The following ABCA9 variants were observed in gnomAD, a reference collection of about 807,000 sequenced individuals.
ABCA9 encodes the protein ATP-binding cassette sub-family A member 9.
A neutral mutation model predicts 205.3 loss-of-function variants in ABCA9; 183 were observed. The ratio of observed to expected loss-of-function variants is 0.89; its 90% CI spans 0.79 to 1.01. ABCA9 has a LOEUF of 1.01. Among genes scored for constraint, ABCA9 ranks in the 50% least tolerant of loss-of-function variants. The pLI, the probability that ABCA9 is intolerant of heterozygous loss-of-function variation, is 0.00. For synonymous variants in ABCA9, 651 were observed against 683.3 expected, an observed-to-expected ratio of 0.95 and a Z score of 0.74; for missense variants, 1,805 against 1,912.4, an observed-to-expected ratio of 0.94 and a Z score of 1.05.
intron 24 of ABCA9, 76 bp from the exon 25 acceptor site, chr17:69,007,948 C>T: frequency 9.8e-6 from 14 of 1,428,052 alleles, no homozygotes; most frequent in Non-Finnish European, 1.4e-5. Flanking sequence ...TTCAATTTTC[C>T]AAAACTATGC....
At chr17:69,015,265 A>G (rs1329273447) in intron 22 of ABCA9, among the ~76,000 whole-genome samples, 1 of 152,198 alleles carries the variant, frequency 6.6e-6, no homozygotes, top group Non-Finnish European at 1.5e-5. Flanking sequence ...TTTAAATTGA[A>G]TAGAAAATTG....
chr17:69,044,588 G>A lies in ABCA9; in HGVS notation c.482C>T (p.Ala161Val). The change falls in exon 5 of 39, where the codon GCA becomes GTA. Residue 161 changes from alanine to valine, a missense_variant. Transcript: ENST00000340001. ...TTCACACTTCATTTTTTCATTCACTGCTTGACAGTGAGCTTTAGAAGAAGA... is the reference window on the plus strand; with the variant it reads ...TTCACACTTCATTTTTTCATTCACTACTTGACAGTGAGCTTTAGAAGAAGA... ...EHRDHSAHCQAVNEKMKCEGS... is the reference protein window; with the variant it reads ...EHRDHSAHCQVVNEKMKCEGS... 1 of 1,612,596 alleles carries A rather than the reference G, an allele frequency of 6.2e-7. No individual in the cohort carries two copies. The highest frequency in any genetic ancestry group is 8.5e-7 in the Non-Finnish European group (1 of 1,179,252).
chr17:69,041,032 C>T (rs1270385749), intron 6 of ABCA9, among the ~76,000 whole-genome samples: 2 of 152,134 alleles, frequency 1.3e-5, no homozygotes, highest in Non-Finnish European at 2.9e-5. Flanking sequence ...CTTCAAACTT[C>T]AGTTTTTTCT....
chr17:69,016,474 G>T (rs549273571), intron 21 of ABCA9, 84 bp from the exon 22 acceptor site: 2 of 1,254,078 alleles, frequency 1.6e-6, no homozygotes, highest in East Asian at 2.7e-5. Flanking sequence ...AATCATTCAA[G>T]TTACTGATAA....
At chr17:69,037,863 C>A (rs1428417119) in intron 6 of ABCA9, among the ~76,000 whole-genome samples, 1 of 151,802 alleles carries the variant, frequency 6.6e-6, no homozygotes, top group African/African-American at 2.4e-5. Context: ...CAAATAGATA[C>A]AACAAAAAAT....
At chr17:68,981,210 T>G (rs149297515) in intron 37 of ABCA9, among the ~76,000 whole-genome samples, 1 of 152,132 alleles carries the variant, frequency 6.6e-6, no homozygotes, top group Non-Finnish European at 1.5e-5. Flanking sequence ...AATTCAGATT[T>G]ATTGACTGTA....
intron 5 of ABCA9, 63 bp from the exon 6 acceptor site, chr17:69,043,778 C>A (rs2144458259): frequency 1.5e-6 from 2 of 1,340,504 alleles, no homozygotes; most frequent in Non-Finnish European, 2.1e-6. Flanking sequence ...TAGGCTTTTT[C>A]TCTAAATTAT....
At chr17:68,985,439 T>C (rs1442144832) in intron 32 of ABCA9, among the ~76,000 whole-genome samples, 1 of 151,856 alleles carries the variant, frequency 6.6e-6, no homozygotes, top group Non-Finnish European at 1.5e-5. Flanking sequence ...CTGGCCAACA[T>C]GGTGAAATCC....
upstream of ABCA9, among the ~76,000 whole-genome samples, chr17:69,065,262 C>G (rs530929475): frequency 6.6e-6 from 1 of 152,270 alleles, no homozygotes; most frequent in East Asian, 1.9e-4. Context: ...TGCTTTCCTT[C>G]TAGTCTCTCT....
At chr17:69,047,902 G>T (rs961024810) in intron 3 of ABCA9, among the ~76,000 whole-genome samples, 1 of 152,076 alleles carries the variant, frequency 6.6e-6, no homozygotes, top group Non-Finnish European at 1.5e-5. Flanking sequence ...TAATCTGCTG[G>T]GCCAGTGGCC....
intron 29 of ABCA9, 51 bp downstream of exon 29, chr17:68,990,785 CT>C (rs2069424579): frequency 1.3e-6 from 2 of 1,594,146 alleles, no homozygotes; most frequent in South Asian, 2.3e-5. Flanking sequence ...AAGTTTCTCA[CT>C]TTATCTGTCA....
At chr17:69,067,740 C>G in the ABCA9 span, among the ~76,000 whole-genome samples, 2 of 152,132 alleles carry the variant, frequency 1.3e-5, no homozygotes, top group Non-Finnish European at 2.9e-5. Flanking sequence ...AACTAGTAAG[C>G]CTGGGCTCCT....
chr17:69,058,583 T>TA (rs1332750585), intron 1 of ABCA9, among the ~76,000 whole-genome samples: 1 of 152,178 alleles, frequency 6.6e-6, no homozygotes, highest in Non-Finnish European at 1.5e-5. Context: ...CTCATGCCTG[T>TA]AATCCCAGCA....
intron 7 of ABCA9, 39 bp downstream of exon 7, chr17:69,035,621 A>AGG: frequency 6.2e-7 from 1 of 1,604,762 alleles, no homozygotes; most frequent in Non-Finnish European, 8.5e-7. Flanking sequence ...AGAGAGAGAG[A>AGG]AAGAGAATAA....
At chr17:68,997,377 CTCT>C (rs2069658189) in intron 25 of ABCA9, among the ~76,000 whole-genome samples, 1 of 152,110 alleles carries the variant, frequency 6.6e-6, no homozygotes, top group African/African-American at 2.4e-5. Flanking sequence ...ACAAAAGGAA[CTCT>C]TCAACTTTAT....
chr17:69,049,154 G>T, intron 3 of ABCA9, 129 bp downstream of exon 3: 1 of 1,035,474 alleles, frequency 9.7e-7, no homozygotes, highest in Non-Finnish European at 1.4e-6. Flanking sequence ...GACTTGGAAG[G>T]AATATACGTT....
intron 10 of ABCA9, among the ~76,000 whole-genome samples, chr17:69,030,947 T>C (rs972246917): frequency 1.3e-5 from 2 of 152,128 alleles, no homozygotes; most frequent in African/African-American, 4.8e-5. Context: ...AATGGTGCAG[T>C]CTTCAGAACT....
At position 69,045,182 on chromosome 17, in the gene ABCA9, T is replaced by C. The variant is rs923012697; in HGVS notation, c.459A>G (p.Arg153=). The change falls in exon 4 of 39, where the codon AGA becomes AGG. Residue 153 remains arginine (R), a synonymous_variant. Coordinates refer to ENST00000340001, the MANE Select transcript of ABCA9 (RefSeq NM_080283.4). Reference sequence around the variant, plus strand: ...TTCTTCAAAAGTTACCTGAATGGTCTCTGTGCTCTTTCATCATGGGGATTC... The same window carrying C: ...TTCTTCAAAAGTTACCTGAATGGTCCCTGTGCTCTTTCATCATGGGGATTC... ...GHRIPMMKEH[R]DHSAHCQAVN... is the part of the protein sequence containing the mutation. 2 of 1,612,712 alleles carry C rather than the reference T, an allele frequency of 1.2e-6. No individual in the cohort carries two copies. Among genetic ancestry groups the C allele is most frequent in the Non-Finnish European group, 1.7e-6 (2 of 1,179,484 alleles).
intron 30 of ABCA9, 60 bp from the exon 31 acceptor site, chr17:68,989,178 T>A: frequency 8.9e-7 from 1 of 1,118,782 alleles, no homozygotes; most frequent in Non-Finnish European, 1.4e-6. Context: ...TAAAAGCAAA[T>A]ACCATTTGAG....
Sources: allele counts gnomAD v4.1 joint callset (sites outside exome capture counted in the v4.1 genomes callset), GRCh38; gene constraint gnomAD v4.1.1; transcripts MANE v1.5; gene names NCBI Gene and HGNC (gene_info 2026-07-23, HGNC 2026-07-21).